The following FUOM variants were observed in gnomAD, a reference collection of about 807,000 sequenced individuals.
The protein encoded by FUOM is protein fucU homolog.
In FUOM, 19 loss-of-function variants were observed where a neutral mutation model predicts 18.3. That is an observed-to-expected ratio of 1.04 (90% CI 0.73 to 1.53). The LOEUF is 1.53. Ranked by LOEUF, FUOM falls within the 40% of genes most tolerant of loss-of-function variation. The pLI is 0.00. For missense variants in FUOM, 210 were observed against 200.9 expected, an observed-to-expected ratio of 1.04 and a Z score of -0.27; for synonymous variants, 102 against 87.9, an observed-to-expected ratio of 1.16 and a Z score of -0.90.
intron 2 of FUOM, 66 bp downstream of exon 2, chr10:133,357,121 G>A (rs1848830513): frequency 3.9e-6 from 6 of 1,542,412 alleles, no homozygotes; most frequent in Middle Eastern, 1.8e-4. Flanking sequence ...GGCCACAGAG[G>A]AGCCTCAGAG....
chr10:133,355,889 C>A, intron 4 of FUOM, 78 bp from the exon 5 acceptor site: 1 of 1,200,680 alleles, frequency 8.3e-7, no homozygotes, highest in Non-Finnish European at 1.2e-6. Context: ...CCCCAGGGCC[C>A]AAAGCAGGGA....
chr10:133,355,477 G>A, intron 5 of FUOM, 41 bp from the exon 6 acceptor site: 1 of 1,607,248 alleles, frequency 6.2e-7, no homozygotes, highest in Non-Finnish European at 8.5e-7. Flanking sequence ...GGGCTGCAGG[G>A]CCAGGGTGCC....
chr10:133,353,799 T>C (rs1242089727), downstream of FUOM, among the ~76,000 whole-genome samples: 1 of 152,030 alleles, frequency 6.6e-6, no homozygotes. Flanking sequence ...TCCCCTGTCA[T>C]CCTGATAAGA....
At chr10:133,354,593 G>C (rs1049826100), downstream of FUOM, among the ~76,000 whole-genome samples, 1 of 152,132 alleles carries the variant, frequency 6.6e-6, no homozygotes, top group Admixed American at 6.5e-5. Context: ...ACGAGGGTCC[G>C]GACAGTGGCT....
In FUOM at chr10:133,357,912, G is replaced by A. The variant is rs1293624555; in HGVS notation, c.85+11C>T. ...GGGGTGCTCCCCGAGGCCCCGGCCC[G>A]CTGCGCTCACCGATCTCGTCCCCGT... On this transcript the variant is annotated intron_variant, in intron 1 of 5. Transcript: ENST00000278025. 1.3e-6 allele frequency: 2 copies of A among 1,520,424 alleles called. No homozygotes were observed. The highest frequency in any genetic ancestry group is 1.4e-5 in the African/African-American group (1 of 69,770). 94.2% of individuals were successfully genotyped at this position (1,520,424 alleles called of 1,614,324 possible).
At chr10:133,353,464 A>G (rs1848715490), downstream of FUOM, among the ~76,000 whole-genome samples, 1 of 152,150 alleles carries the variant, frequency 6.6e-6, no homozygotes, top group Non-Finnish European at 1.5e-5. Flanking sequence ...GCTGAGCCAC[A>G]CACATTTGCC....
chr10:133,355,483 G>A (rs533342463), intron 5 of FUOM, 47 bp from the exon 6 acceptor site: 2 of 1,607,206 alleles, frequency 1.2e-6, no homozygotes, highest in South Asian at 2.2e-5. Flanking sequence ...CAGGGCCAGG[G>A]TGCCGAGACC....
intron 1 of FUOM, 137 bp from the exon 2 acceptor site, chr10:133,357,392 C>G (rs79704049): frequency 0.026 from 21,524 of 821,180 alleles, 1,072 homozygotes; most frequent in East Asian, 0.19. Flanking sequence ...GCGCCCCCAC[C>G]GCCGACCGGC....
intron 3 of FUOM, 70 bp from the exon 4 acceptor site, chr10:133,356,808 TC>T (rs1402437288): frequency 6.9e-7 from 1 of 1,449,544 alleles, no homozygotes; most frequent in Non-Finnish European, 9.3e-7. Context: ...CATTCGGGAC[TC>T]CCCTGGTGAG....
intron 5 of FUOM, 127 bp downstream of exon 5, chr10:133,355,611 G>A (rs549312371): frequency 1.5e-5 from 23 of 1,572,348 alleles, no homozygotes; most frequent in East Asian, 1.3e-4. Context: ...TCTGTGGGAC[G>A]TCTAGCCTCA....
In FUOM at chr10:133,356,633, G is replaced by C; in HGVS notation, c.324+7C>G. The C allele has an allele frequency of 6.4e-7, 1 of 1,554,188 alleles. No homozygotes were observed. On this transcript the variant is annotated splice_region_variant and intron_variant, in intron 4 of 5. Coordinates refer to ENST00000278025, the MANE Select transcript of FUOM (RefSeq NM_001098483.3). ...CCTTTTCCCCACAACTGGGGCTGCA[G>C]GCTTACCACACAGCCGGCCCTGCGT...
At chr10:133,357,816 G>T in intron 1 of FUOM, 107 bp downstream of exon 1, 1 of 852,836 alleles carries the variant, frequency 1.2e-6, no homozygotes, top group Non-Finnish European at 1.7e-6. Flanking sequence ...CCCGAGCAAC[G>T]CCCACACCCC....
chr10:133,357,249 GC>G lies in FUOM; in HGVS notation c.91del (p.Ala31ArgfsTer3). ...GGAGGAGGCCGGGAAGTTCAAGTCC[GC>G]AAGAACTAAACAGCCGGGAGGACAG... ...RMGHGDEIVL[A>X]DLNFPASSIC... is the part of the protein sequence containing the mutation. On this transcript the variant is annotated frameshift_variant, in exon 2 of 6. Transcript: ENST00000278025. LOFTEE classifies it high-confidence loss of function. 6.3e-7 allele frequency: 1 copy of G among 1,577,904 alleles called. No individual in the cohort carries two copies. Among genetic ancestry groups the G allele is most frequent in the Non-Finnish European group, 8.6e-7 (1 of 1,162,956 alleles).
chr10:133,355,378 G>A lies in FUOM; in HGVS notation c.457C>T (p.Leu153=), dbSNP rs753589954. ...GGTGGTCTTCACCAGGCCTACAGCA[G>A]GGGGTTGAGGGCAAGCACCCCCTTC... ...LRKGVLALNP[L]L is the part of the protein sequence containing the mutation. Residue 153 remains leucine, a synonymous_variant, in exon 6 of 6, where the codon CTG becomes TTG. Coordinates refer to ENST00000278025, the MANE Select transcript of FUOM (RefSeq NM_001098483.3). 6.9e-6 allele frequency: 11 copies of A among 1,605,726 alleles called. No individual in the cohort carries two copies. Among genetic ancestry groups the A allele is most frequent in the South Asian group, 1.1e-5 (1 of 90,112 alleles).
chr10:133,356,913 A>G, intron 3 of FUOM, 30 bp downstream of exon 3: 1 of 1,546,194 alleles, frequency 6.5e-7, no homozygotes, highest in Non-Finnish European at 8.7e-7. Context: ...GGCACGGAGC[A>G]GCAGGGTGCA....
Position 133,355,796 on chromosome 10 carries a change from T to C in FUOM, c.340A>G (p.Ile114Val). ...CGTTCATAAAACTCAAACCTCTCTA[T>C]CTTTGCCAGGGCTCTCTGGAAGACA... ...RAGCVRALAK[I>V]ERFEFYERAK... The change falls in exon 5 of 6, where the codon ATA becomes GTA. Residue 114 changes from isoleucine (I) to valine (V), a missense_variant. Ile to Val is a conservative substitution (Grantham distance 29). Coordinates refer to ENST00000278025, the MANE Select transcript of FUOM (RefSeq NM_001098483.3). 6.2e-7 allele frequency: 1 copy of C among 1,612,928 alleles called. No homozygotes were observed. The highest frequency in any genetic ancestry group is 1.3e-5 in the African/African-American group (1 of 75,014).
intron 4 of FUOM, 105 bp from the exon 5 acceptor site, chr10:133,355,916 G>A: frequency 2.1e-6 from 2 of 962,930 alleles, no homozygotes; most frequent in Non-Finnish European, 3.3e-6. Flanking sequence ...CAGGAAGTGG[G>A]GTTCCATTTC....
At chr10:133,354,566 A>G (rs1175796027), downstream of FUOM, among the ~76,000 whole-genome samples, 1 of 151,986 alleles carries the variant, frequency 6.6e-6, no homozygotes, top group East Asian at 1.9e-4. Flanking sequence ...TCACTGCAGC[A>G]AGTTCTGGGG....
At chr10:133,357,692 C>T (rs1198281619) in intron 1 of FUOM, 1 of 520,424 alleles carries the variant, frequency 1.9e-6, no homozygotes. Context: ...GCTCTCGGGC[C>T]GTCTGGGGAG....
Sources: gnomAD v4.1 joint callset for allele counts (sites outside exome capture counted in the v4.1 genomes callset) on GRCh38, gnomAD v4.1.1 for gene constraint, MANE v1.5 for transcripts, NCBI Gene and HGNC (gene_info 2026-07-23, HGNC 2026-07-21) for gene names.